RHOB: variants seen among roughly 807,000 people sequenced by gnomAD.
RHOB encodes the protein ras homolog family member B, also known as rho-related GTP-binding protein RhoB.
A neutral mutation model predicts 12.9 loss-of-function variants in RHOB; 6 were observed. The observed-to-expected ratio is 0.47, with a 90% CI of 0.25 to 0.92. The LOEUF is 0.92. Ranked by LOEUF, RHOB falls within the 40% of genes least tolerant of loss-of-function variation. RHOB has a pLI of 0.16. For missense variants in RHOB, 142 were observed against 277.9 expected, an observed-to-expected ratio of 0.51 and a Z score of 3.48; for synonymous variants, 168 against 122.1, an observed-to-expected ratio of 1.38 and a Z score of -2.48.
In RHOB at chr2:20,447,461, C is replaced by G. The variant is rs777563255; in HGVS notation, c.-5C>G. 7 of 1,603,608 alleles carry G rather than the reference C, an allele frequency of 4.4e-6. No homozygotes were observed. The highest frequency in any genetic ancestry group is 1.7e-4 in the Middle Eastern group (1 of 5,998). ...CCCCTCCTGCTGCCCGGGCCCGGCCCGCTCATGGCGGCCATCCGCAAGAAG... is the reference window on the plus strand; with the variant it reads ...CCCCTCCTGCTGCCCGGGCCCGGCCGGCTCATGGCGGCCATCCGCAAGAAG... On this transcript the variant is annotated 5_prime_UTR_variant, in exon 1 of 1. Transcript: ENST00000272233.
rs530959398 is a variant in RHOB at position 20,448,932 on chromosome 2, G to A, written c.*876G>A. 6.0e-6 allele frequency: 1 copy of A among 167,182 alleles called. No individual in the cohort carries two copies. The highest frequency in any genetic ancestry group is 2.1e-4 in the South Asian group (1 of 4,832). The allele number at this position is 167,182 out of a possible 1,614,324, so 10.4% of individuals were successfully genotyped here. On this transcript the variant is annotated 3_prime_UTR_variant, in exon 1 of 1. Transcript: ENST00000272233. ...TTATTCTTTGCACAATTGTTTCATT[G>A]TTTGACACTTAATGCACTCGTCATT...
Position 20,447,647 on chromosome 2 carries a change from C to T in RHOB, c.182C>T (p.Ala61Val). The T allele has an allele frequency of 6.2e-7, 1 of 1,613,828 alleles. No individual in the cohort carries two copies. The highest frequency in any genetic ancestry group is 8.5e-7 in the Non-Finnish European group (1 of 1,179,926). ...KQVELALWDT[A>V]GQEDYDRLRP... ...GTGGAGCTGGCGCTGTGGGACACGG[C>T]GGGCCAGGAGGACTACGACCGCCTG... is the stretch of plus-strand genomic sequence containing the variant. Residue 61 changes from alanine (A) to valine (V), a missense_variant, in exon 1 of 1, where the codon GCG becomes GTG. This residue lies in a region of RHOB where 29 missense variants were observed against 111.5 expected (regional missense o/e 0.26). Coordinates refer to ENST00000272233, the MANE Select transcript of RHOB (RefSeq NM_004040.4).
chr2:20,448,850 T>C lies in RHOB; in HGVS notation c.*794T>C, dbSNP rs1008016228. ...TTGTGCCTGTCCTAGAAGTGAAAATTGTTCAGTCCAAGAAACTGATGTTAT... is the reference window on the plus strand; with the variant it reads ...TTGTGCCTGTCCTAGAAGTGAAAATCGTTCAGTCCAAGAAACTGATGTTAT... On this transcript the variant is annotated 3_prime_UTR_variant, in exon 1 of 1. Coordinates refer to ENST00000272233, the MANE Select transcript of RHOB (RefSeq NM_004040.4). 6.0e-6 allele frequency: 1 copy of C among 167,170 alleles called. No individual in the cohort carries two copies. The highest frequency in any genetic ancestry group is 2.4e-5 in the African/African-American group (1 of 41,484). 10.4% of individuals were successfully genotyped at this position (167,170 alleles called of 1,614,324 possible).
In RHOB at chr2:20,447,511, T is replaced by G; in HGVS notation, c.46T>G (p.Cys16Gly). ...KKLVVVGDGA[C>G]GKTCLLIVFS... ...GCTGGTGGTGGTGGGCGACGGCGCGTGTGGCAAGACGTGCCTGCTGATCGT... is the reference window on the plus strand; with the variant it reads ...GCTGGTGGTGGTGGGCGACGGCGCGGGTGGCAAGACGTGCCTGCTGATCGT... Residue 16 changes from cysteine to glycine, a missense_variant, in exon 1 of 1, where the codon TGT becomes GGT. By Grantham distance (159) the Cys-to-Gly change is radical. Coordinates refer to ENST00000272233, the MANE Select transcript of RHOB (RefSeq NM_004040.4). The G allele has an allele frequency of 6.2e-7, 1 of 1,613,686 alleles. No homozygotes were observed. The highest frequency in any genetic ancestry group is 8.5e-7 in the Non-Finnish European group (1 of 1,179,786).
At position 20,448,108 on chromosome 2, in the gene RHOB, C is replaced by G. The variant is rs777479853; in HGVS notation, c.*52C>G. 1.4e-6 allele frequency: 2 copies of G among 1,476,456 alleles called. No individual in the cohort carries two copies. Among genetic ancestry groups the G allele is most frequent in the African/African-American group, 1.4e-5 (1 of 71,784 alleles). 91.5% of individuals were successfully genotyped at this position (1,476,456 alleles called of 1,614,324 possible). On this transcript the variant is annotated 3_prime_UTR_variant, in exon 1 of 1. Coordinates refer to ENST00000272233, the MANE Select transcript of RHOB (RefSeq NM_004040.4). Reference sequence around the variant, plus strand: ...GCCGGCACGGCTCCCCCTCCTGGACCAGTCCCCCGCGAGCCCGGAGAAGGG... The same window carrying G: ...GCCGGCACGGCTCCCCCTCCTGGACGAGTCCCCCGCGAGCCCGGAGAAGGG...
At position 20,448,123 on chromosome 2, in the gene RHOB, C is replaced by T. The variant is rs1573124624; in HGVS notation, c.*67C>T. The T allele has an allele frequency of 7.2e-7, 1 of 1,380,782 alleles. No individual in the cohort carries two copies. Among genetic ancestry groups the T allele is most frequent in the East Asian group, 2.4e-5 (1 of 42,200 alleles). 85.5% of individuals were successfully genotyped at this position (1,380,782 alleles called of 1,614,324 possible). On this transcript the variant is annotated 3_prime_UTR_variant, in exon 1 of 1. Transcript: ENST00000272233. The stretch of plus-strand genomic sequence containing the variant: ...CCTCCTGGACCAGTCCCCCGCGAGC[C>T]CGGAGAAGGGGAGACCCGTGTCCCA...
In RHOB at chr2:20,448,848, ATTG is replaced by A. The variant is rs1305510406; in HGVS notation, c.*795_*797del. The stretch of plus-strand genomic sequence containing the variant: ...CTTTGTGCCTGTCCTAGAAGTGAAA[ATTG>A]TTCAGTCCAAGAAACTGATGTTATT... On this transcript the variant is annotated 3_prime_UTR_variant, in exon 1 of 1. Transcript: ENST00000272233. 6.0e-6 allele frequency: 1 copy of A among 167,134 alleles called. No homozygotes were observed. Among genetic ancestry groups the A allele is most frequent in the Non-Finnish European group, 1.5e-5 (1 of 68,120 alleles). The allele number at this position is 167,134 out of a possible 1,614,324, so 10.4% of individuals were successfully genotyped here.
Position 20,448,077 on chromosome 2 carries a change from G to C in RHOB, c.*21G>C, listed in dbSNP as rs1185365126. ...TATGAGGGCCGCGCCCGTCGCGCCT[G>C]CCCCTGCCGGCACGGCTCCCCCTCC... On this transcript the variant is annotated 3_prime_UTR_variant, in exon 1 of 1. Transcript: ENST00000272233. 4 of 1,579,668 alleles carry C rather than the reference G, an allele frequency of 2.5e-6. No individual in the cohort carries two copies. The highest frequency in any genetic ancestry group is 1.3e-5 in the African/African-American group (1 of 74,392).
Position 20,448,332 on chromosome 2 carries a change from C to CACG in RHOB, c.*277_*278insCGA. ...CATGCTTTTCTGAAGAGCCGGGCCT[C>CACG]AGAGTGTGTGGCTGTGTGTCTGTTC... is the stretch of plus-strand genomic sequence containing the variant. On this transcript the variant is annotated 3_prime_UTR_variant, in exon 1 of 1. Transcript: ENST00000272233. 2.0e-6 allele frequency: 1 copy of CACG among 503,194 alleles called. No individual in the cohort carries two copies. 31.2% of individuals were successfully genotyped at this position (503,194 alleles called of 1,614,324 possible). A position where few individuals can be genotyped will look rare whatever the true frequency, so the allele number is the denominator to read the frequency against.
rs762014959 is a variant in RHOB, at chr2:20,447,874, G to A, written c.409G>A (p.Glu137Lys). ...CACAGAGCTGGCCCGCATGAAGCAG[G>A]AACCCGTGCGCACGGATGACGGCCG... ...VRTELARMKQEPVRTDDGRAM... is the reference protein window; with the variant it reads ...VRTELARMKQKPVRTDDGRAM... The change falls in exon 1 of 1, where the codon GAA becomes AAA. Residue 137 changes from glutamate (E) to lysine (K), a missense_variant. This residue lies in a region of RHOB where 113 missense variants were observed against 166.3 expected (regional missense o/e 0.68). Coordinates refer to ENST00000272233, the MANE Select transcript of RHOB (RefSeq NM_004040.4). 5.6e-6 allele frequency: 9 copies of A among 1,613,450 alleles called. No individual in the cohort carries two copies. Among genetic ancestry groups the A allele is most frequent in the Non-Finnish European group, 7.6e-6 (9 of 1,180,024 alleles).
chr2:20,448,158 C>A lies in RHOB; in HGVS notation c.*102C>A. 9.5e-7 allele frequency: 1 copy of A among 1,049,204 alleles called. No individual in the cohort carries two copies. The highest frequency in any genetic ancestry group is 1.4e-6 in the Non-Finnish European group (1 of 730,148). 65.0% of individuals were successfully genotyped at this position (1,049,204 alleles called of 1,614,324 possible). A position where few individuals can be genotyped will look rare whatever the true frequency, so the allele number is the denominator to read the frequency against. ...GGAGACCCGTGTCCCACAAGGACCC[C>A]ACCGGCCTGCCTGGCATCTGTCTGC... On this transcript the variant is annotated 3_prime_UTR_variant, in exon 1 of 1. Coordinates refer to ENST00000272233, the MANE Select transcript of RHOB (RefSeq NM_004040.4).
Position 20,447,210 on chromosome 2 carries a change from C to G in RHOB, c.-256C>G, listed in dbSNP as rs992117898. ...GCGTTACGCACAAAGCCGCCGATCC[C>G]CGGCCTGGGGTGAGCAGAGCGACCA... On this transcript the variant is annotated 5_prime_UTR_variant, in exon 1 of 1. Transcript: ENST00000272233. 6.7e-5 allele frequency: 23 copies of G among 345,648 alleles called. No homozygotes were observed. The highest frequency in any genetic ancestry group is 1.1e-4 in the Non-Finnish European group (22 of 193,610). The allele number at this position is 345,648 out of a possible 1,614,324, so 21.4% of individuals were successfully genotyped here. A position where few individuals can be genotyped will look rare whatever the true frequency, so the allele number is the denominator to read the frequency against.
At position 20,448,730 on chromosome 2, in the gene RHOB, C is replaced by G. The variant is rs1022798166; in HGVS notation, c.*674C>G. On this transcript the variant is annotated 3_prime_UTR_variant, in exon 1 of 1. Coordinates refer to ENST00000272233, the MANE Select transcript of RHOB (RefSeq NM_004040.4). Reference sequence around the variant, plus strand: ...TGGGGAGGACACAGCTTCAGCACAGCCTCTCCTGCGGGCCAGCCCGCTGCG... The same window carrying G: ...TGGGGAGGACACAGCTTCAGCACAGGCTCTCCTGCGGGCCAGCCCGCTGCG... 1.2e-5 allele frequency: 2 copies of G among 167,124 alleles called. No individual in the cohort carries two copies. Among genetic ancestry groups the G allele is most frequent in the African/African-American group, 4.8e-5 (2 of 41,464 alleles). The allele number at this position is 167,124 out of a possible 1,614,324, so 10.4% of individuals were successfully genotyped here.
At position 20,447,377 on chromosome 2, in the gene RHOB, C is replaced by T; in HGVS notation, c.-89C>T. ...CAGCTAGCGACCCTCTCGCCACCTG[C>T]GCGCAGCCCGAGGTGAGCAGTGAGC... is the stretch of plus-strand genomic sequence containing the variant. On this transcript the variant is annotated 5_prime_UTR_variant, in exon 1 of 1. Coordinates refer to ENST00000272233, the MANE Select transcript of RHOB (RefSeq NM_004040.4). The T allele has an allele frequency of 9.6e-7, 1 of 1,036,620 alleles. No homozygotes were observed. The highest frequency in any genetic ancestry group is 1.3e-6 in the Non-Finnish European group (1 of 751,246). 64.2% of individuals were successfully genotyped at this position (1,036,620 alleles called of 1,614,324 possible). A position where few individuals can be genotyped will look rare whatever the true frequency, so the allele number is the denominator to read the frequency against.
Position 20,448,018 on chromosome 2 carries a change from T to G in RHOB, c.553T>G (p.Ser185Ala), listed in dbSNP as rs1193526492. The G allele has an allele frequency of 8.7e-6, 14 of 1,612,210 alleles. No homozygotes were observed. The highest frequency in any genetic ancestry group is 2.7e-5 in the African/African-American group (2 of 74,912). The change falls in exon 1 of 1, where the codon TCC becomes GCC. Residue 185 changes from serine (S) to alanine (A), a missense_variant. Ser to Ala is a moderately conservative substitution (Grantham distance 99). Transcript: ENST00000272233. The stretch of plus-strand genomic sequence containing the variant: ...CGCCGCGCTGCAGAAGCGCTACGGC[T>G]CCCAGAACGGCTGCATCAACTGCTG... ...TRAALQKRYG[S>A]QNGCINCCKV...
chr2:20,448,172 G>A lies in RHOB; in HGVS notation c.*116G>A. 1.1e-6 allele frequency: 1 copy of A among 923,656 alleles called. No homozygotes were observed. Among genetic ancestry groups the A allele is most frequent in the Admixed American group, 2.9e-5 (1 of 34,914 alleles). The allele number at this position is 923,656 out of a possible 1,614,324, so 57.2% of individuals were successfully genotyped here. A position where few individuals can be genotyped will look rare whatever the true frequency, so the allele number is the denominator to read the frequency against. On this transcript the variant is annotated 3_prime_UTR_variant, in exon 1 of 1. Transcript: ENST00000272233. Reference sequence around the variant, plus strand: ...CACAAGGACCCCACCGGCCTGCCTGGCATCTGTCTGCTGACGCCTCTGGCT... The same window carrying A: ...CACAAGGACCCCACCGGCCTGCCTGACATCTGTCTGCTGACGCCTCTGGCT...
In RHOB at chr2:20,447,477, C is replaced by A. The variant is rs776997691; in HGVS notation, c.12C>A (p.Ile4=). The part of the protein sequence containing the change: MAA[I]RKKLVVVGDG... ...GGCCCGGCCCGCTCATGGCGGCCAT[C>A]CGCAAGAAGCTGGTGGTGGTGGGCG... The change falls in exon 1 of 1, where the codon ATC becomes ATA. Residue 4 remains isoleucine (I), a synonymous_variant. Transcript: ENST00000272233. 1.2e-6 allele frequency: 2 copies of A among 1,608,774 alleles called. No individual in the cohort carries two copies. The highest frequency in any genetic ancestry group is 2.7e-5 in the African/African-American group (2 of 74,886).
chr2:20,448,100 T>G lies in RHOB; in HGVS notation c.*44T>G, dbSNP rs1691036596. 6.6e-7 allele frequency: 1 copy of G among 1,513,964 alleles called. No individual in the cohort carries two copies. Among genetic ancestry groups the G allele is most frequent in the Non-Finnish European group, 9.0e-7 (1 of 1,109,998 alleles). The allele number at this position is 1,513,964 out of a possible 1,614,324, so 93.8% of individuals were successfully genotyped here. A position where few individuals can be genotyped will look rare whatever the true frequency, so the allele number is the denominator to read the frequency against. On this transcript the variant is annotated 3_prime_UTR_variant, in exon 1 of 1. Coordinates refer to ENST00000272233, the MANE Select transcript of RHOB (RefSeq NM_004040.4). Reference sequence around the variant, plus strand: ...CTGCCCCTGCCGGCACGGCTCCCCCTCCTGGACCAGTCCCCCGCGAGCCCG... The same window carrying G: ...CTGCCCCTGCCGGCACGGCTCCCCCGCCTGGACCAGTCCCCCGCGAGCCCG...
rs1691029130 is a variant in RHOB at position 20,447,856 on chromosome 2, C to T, written c.391C>T (p.Leu131=). ...LRSDEHVRTE[L]ARMKQEPVRT... is the part of the protein sequence containing the mutation. ...CAGCGACGAGCATGTCCGCACAGAG[C>T]TGGCCCGCATGAAGCAGGAACCCGT... Residue 131 remains leucine (L), a synonymous_variant, in exon 1 of 1, where the codon CTG becomes TTG. Coordinates refer to ENST00000272233, the MANE Select transcript of RHOB (RefSeq NM_004040.4). 3.1e-6 allele frequency: 5 copies of T among 1,613,652 alleles called. No homozygotes were observed. Among genetic ancestry groups the T allele is most frequent in the Non-Finnish European group, 4.2e-6 (5 of 1,180,030 alleles).
Sources: allele counts gnomAD v4.1 joint callset, GRCh38; gene constraint gnomAD v4.1.1; regional missense constraint gnomAD v4.1.1; transcripts MANE v1.5; gene names NCBI Gene and HGNC (gene_info 2026-07-23, HGNC 2026-07-21).